PLD5: variants seen among roughly 807,000 people sequenced by gnomAD.
The protein encoded by PLD5 is phospholipase D family member 5.
In PLD5, 36 loss-of-function variants were observed where a neutral mutation model predicts 61.1. The ratio of observed to expected loss-of-function variants is 0.59; its 90% CI spans 0.45 to 0.78. PLD5 has a LOEUF of 0.78. PLD5 is among the 30% of genes least tolerant of loss of function. The pLI, the probability that PLD5 is intolerant of heterozygous loss-of-function variation, is 0.00. For synonymous variants in PLD5, 243 were observed against 242.8 expected (o/e 1.00, Z -0.01); for missense variants, 515 against 644.4 (o/e 0.80, Z 2.17).
chr1:242,372,929 C>T (rs557402342), intron 1 of PLD5, among the ~76,000 whole-genome samples: 1 of 152,092 alleles, frequency 6.6e-6, no homozygotes, highest in Admixed American at 6.5e-5. Flanking sequence ...CAACAAAAGC[C>T]AGAATTGACA....
At chr1:242,311,041 A>G (rs1275497813) in intron 2 of PLD5, among the ~76,000 whole-genome samples, 5 of 152,166 alleles carry the variant, frequency 3.3e-5, no homozygotes, top group Non-Finnish European at 7.3e-5. Flanking sequence ...TATATACTAT[A>G]AACAAAAAAA....
intron 5 of PLD5, among the ~76,000 whole-genome samples, chr1:242,164,130 T>C (rs971616354): frequency 6.7e-6 from 1 of 149,238 alleles, no homozygotes; most frequent in Non-Finnish European, 1.5e-5. Context: ...GAAGTCAAAC[T>C]CCTAATACCC....
intron 2 of PLD5, among the ~76,000 whole-genome samples, chr1:242,307,669 AACCAGCC>A (rs112131266): frequency 0.014 from 2,164 of 152,248 alleles, 54 homozygotes; most frequent in African/African-American, 0.049. Context: ...AACAGTTCAA[AACCAGCC>A]CTGGTATGGA....
intron 5 of PLD5, among the ~76,000 whole-genome samples, chr1:242,159,052 ATC>A (rs1665619123): frequency 1.3e-5 from 2 of 152,142 alleles, no homozygotes; most frequent in African/African-American, 2.4e-5. Context: ...TAGTTTCAAT[ATC>A]TGTTTCATAT....
At chr1:242,166,791 C>T (rs1666335595) in intron 5 of PLD5, among the ~76,000 whole-genome samples, 2 of 152,096 alleles carry the variant, frequency 1.3e-5, no homozygotes, top group African/African-American at 4.8e-5. Flanking sequence ...TGACTGATAA[C>T]ATAGTTTTTC....
chr1:242,447,292 C>G (rs12401884), intron 1 of PLD5, among the ~76,000 whole-genome samples: 1 of 152,190 alleles, frequency 6.6e-6, no homozygotes, highest in African/African-American at 2.4e-5. Context: ...AGTTCTGACA[C>G]GCTCCTGACT....
At chr1:242,494,854 C>T (rs975513844) in intron 1 of PLD5, among the ~76,000 whole-genome samples, 1 of 151,140 alleles carries the variant, frequency 6.6e-6, no homozygotes, top group Non-Finnish European at 1.5e-5. Context: ...TTGGCTGACA[C>T]AACCCCCAAT....
chr1:242,207,049 T>C (rs975541887), intron 5 of PLD5, among the ~76,000 whole-genome samples: 1 of 152,144 alleles, frequency 6.6e-6, no homozygotes, highest in African/African-American at 2.4e-5. Flanking sequence ...CCACTCTTGT[T>C]TGGGAAACTC....
intron 5 of PLD5, among the ~76,000 whole-genome samples, chr1:242,196,320 C>T (rs1041684986): frequency 5.3e-5 from 8 of 152,090 alleles, no homozygotes; most frequent in Non-Finnish European, 1.0e-4. Context: ...TATGGTGGGT[C>T]GGGAGTAGTG....
chr1:242,256,386 C>G lies in PLD5; in HGVS notation c.607+8951G>C, dbSNP rs975151249. 1.3e-5 allele frequency among the ~76,000 whole-genome samples: 2 copies of G among 152,192 alleles called. No homozygotes were observed. Reference sequence around the variant, plus strand: ...ATTTCTCTATCTGATTTGAATGTCCCTCAAGAATCATTCGTTTAAACGTAA... The same window carrying G: ...ATTTCTCTATCTGATTTGAATGTCCGTCAAGAATCATTCGTTTAAACGTAA... On this transcript the variant is annotated intron_variant, in intron 4 of 9. Coordinates refer to ENST00000536534, the MANE Select transcript of PLD5 (RefSeq NM_001372062.1). The surrounding 1 kb of genome is among the most constrained non-coding windows in gnomAD (Gnocchi z 5.7).
intron 4 of PLD5, among the ~76,000 whole-genome samples, chr1:242,258,823 C>A (rs1673225931): frequency 6.6e-6 from 1 of 152,128 alleles, no homozygotes; most frequent in Non-Finnish European, 1.5e-5. Context: ...AGAGACAATG[C>A]TGGGTGGAAA....
chr1:242,359,263 T>G (rs1660937304), intron 1 of PLD5, among the ~76,000 whole-genome samples: 1 of 152,290 alleles, frequency 6.6e-6, no homozygotes, highest in Non-Finnish European at 1.5e-5. Flanking sequence ...TCCTGGGAAG[T>G]GTCAGAGAAG....
At chr1:242,490,191 G>A (rs1212916103) in intron 1 of PLD5, among the ~76,000 whole-genome samples, 2 of 152,162 alleles carry the variant, frequency 1.3e-5, no homozygotes, top group African/African-American at 4.8e-5. Flanking sequence ...GGCTCCAGAA[G>A]CAGTCTCTGT....
chr1:242,238,814 T>C (rs1671808043), intron 4 of PLD5, among the ~76,000 whole-genome samples: 1 of 152,164 alleles, frequency 6.6e-6, no homozygotes, highest in African/African-American at 2.4e-5. Context: ...TGGATGACTC[T>C]GGGGCCTAGC....
At chr1:242,218,760 T>A (rs1436003725) in intron 5 of PLD5, among the ~76,000 whole-genome samples, 2 of 152,216 alleles carry the variant, frequency 1.3e-5, no homozygotes, top group Non-Finnish European at 2.9e-5. Flanking sequence ...TGGCTTGGGT[T>A]TGAGTTCCAG....
intron 1 of PLD5, among the ~76,000 whole-genome samples, chr1:242,386,069 G>A (rs1054268504): frequency 6.6e-6 from 1 of 152,060 alleles, no homozygotes; most frequent in Non-Finnish European, 1.5e-5. Context: ...TTCTCCCTGT[G>A]TCTCTTCACA....
chr1:242,480,860 C>T (rs78502770), intron 1 of PLD5, among the ~76,000 whole-genome samples: 6,604 of 152,108 alleles, frequency 0.043, 227 homozygotes, highest in Middle Eastern at 0.061. Flanking sequence ...CATGTGTTGG[C>T]GAGGATGTGC....
intron 1 of PLD5, among the ~76,000 whole-genome samples, chr1:242,368,432 G>A (rs1661457967): frequency 6.6e-6 from 1 of 152,060 alleles, no homozygotes; most frequent in Non-Finnish European, 1.5e-5. Context: ...AAATTTAATA[G>A]GCAAAAGAAA....
intron 1 of PLD5, among the ~76,000 whole-genome samples, chr1:242,454,322 A>G (rs1335284679): frequency 1.5e-5 from 2 of 130,832 alleles, no homozygotes; most frequent in Admixed American, 9.2e-5. Flanking sequence ...ACACAGCAAG[A>G]CTCCGTGTCA....
Sources: gnomAD v4.1 joint callset for allele counts (sites outside exome capture counted in the v4.1 genomes callset) on GRCh38, gnomAD v4.1.1 for gene constraint, Gnocchi (gnomAD v3.1) non-coding constraint, MANE v1.5 for transcripts, NCBI Gene and HGNC (gene_info 2026-07-23, HGNC 2026-07-21) for gene names.